KDM1B: variants seen among roughly 807,000 people sequenced by gnomAD.
KDM1B encodes lysine demethylase 1B.
KDM1B carries 63 observed loss-of-function variants against 107.4 expected under a neutral mutation model. The observed-to-expected ratio is 0.59, with a 90% CI of 0.48 to 0.72. The LOEUF is 0.72. KDM1B is among the 30% of genes least tolerant of loss of function. The pLI, the probability that KDM1B is intolerant of heterozygous loss-of-function variation, is 0.00. For synonymous variants in KDM1B, 363 were observed against 363.9 expected (o/e 1.00, Z 0.03); for missense variants, 749 against 1,020.8 (o/e 0.73, Z 3.63).
At chr6:18,188,678 ATC>A (rs1475592471) in intron 9 of KDM1B, among the ~76,000 whole-genome samples, 2 of 152,048 alleles carry the variant, frequency 1.3e-5, no homozygotes, top group African/African-American at 4.8e-5. Context: ...CAGTGACACT[ATC>A]TCAGCTCACT....
At chr6:18,170,147 G>T (rs899719163) in intron 6 of KDM1B, among the ~76,000 whole-genome samples, 8 of 150,286 alleles carry the variant, frequency 5.3e-5, no homozygotes, top group African/African-American at 2.0e-4. Context: ...CTGACCTCAG[G>T]TGATTCACCT....
rs562772497 is a variant in KDM1B at position 18,204,782 on chromosome 6, A to G, written c.1532-755A>G. 2.0e-5 allele frequency among the ~76,000 whole-genome samples: 3 copies of G among 152,350 alleles called. No homozygotes were observed. The highest frequency in any genetic ancestry group is 4.8e-5 in the African/African-American group (2 of 41,586). On this transcript the variant is annotated intron_variant, in intron 14 of 21. Coordinates refer to ENST00000650836, the MANE Select transcript of KDM1B (RefSeq NM_001364614.2). The surrounding 1 kb of genome is among the most constrained non-coding windows in gnomAD (Gnocchi z 4.9). ...TGCCACGGCCCGGTGATGCCCGACT[A>G]TAAAGAATGGATGGGATTGGGTGGG...
At position 18,204,609 on chromosome 6, in the gene KDM1B, C is replaced by T. The variant is rs1440658630; in HGVS notation, c.1532-928C>T. On this transcript the variant is annotated intron_variant, in intron 14 of 21. Transcript: ENST00000650836. The surrounding 1 kb of genome is among the most constrained non-coding windows in gnomAD (Gnocchi z 4.9). ...GAGATGCTTAGAATTAGTCAGACAT[C>T]AAGCCAGAACCCTCTTCCAGCCCTG... Among the ~76,000 whole-genome samples, 2 of 152,206 alleles carry T rather than the reference C, an allele frequency of 1.3e-5. No homozygotes were observed. Among genetic ancestry groups the T allele is most frequent in the Non-Finnish European group, 2.9e-5 (2 of 68,036 alleles).
chr6:18,194,838 A>G (rs568000375), intron 10 of KDM1B, among the ~76,000 whole-genome samples: 1 of 152,228 alleles, frequency 6.6e-6, no homozygotes, highest in Admixed American at 6.5e-5. Context: ...TTTACAGCTC[A>G]GTGGCATTAA....
chr6:18,221,360 CTTA>C (rs1365996875), intron 21 of KDM1B, among the ~76,000 whole-genome samples: 1 of 152,206 alleles, frequency 6.6e-6, no homozygotes, highest in African/African-American at 2.4e-5. Context: ...TCCTGGTTTG[CTTA>C]TTGTTCCCAC....
rs754623234 is a variant in KDM1B, at chr6:18,223,191, A to C, written c.*1199A>C. ...AACAATAATATACTGGTTTGCTTTA[A>C]AGAAGGGACTAAATATGACTTTAAA... On this transcript the variant is annotated 3_prime_UTR_variant, in exon 22 of 22. Transcript: ENST00000650836. 1 of 152,566 alleles carries C rather than the reference A, an allele frequency of 6.6e-6. No homozygotes were observed. The highest frequency in any genetic ancestry group is 6.6e-5 in the Admixed American group (1 of 15,260). 9.5% of individuals were successfully genotyped at this position (152,566 alleles called of 1,614,324 possible). A position where few individuals can be genotyped will look rare whatever the true frequency, so the allele number is the denominator to read the frequency against.
intron 2 of KDM1B, among the ~76,000 whole-genome samples, chr6:18,158,619 A>G (rs1784782790): frequency 6.6e-6 from 1 of 151,962 alleles, no homozygotes; most frequent in African/African-American, 2.4e-5. Flanking sequence ...TTCATTTATC[A>G]TTTTCTGTGT....
At chr6:18,192,547 C>T (rs979851973) in intron 10 of KDM1B, among the ~76,000 whole-genome samples, 4 of 152,138 alleles carry the variant, frequency 2.6e-5, no homozygotes, top group East Asian at 1.9e-4. Flanking sequence ...ACTTATTTTC[C>T]GCCCAGTAGC....
At chr6:18,157,479 C>T (rs2150742578) in intron 2 of KDM1B, among the ~76,000 whole-genome samples, 1 of 152,286 alleles carries the variant, frequency 6.6e-6, no homozygotes, top group East Asian at 1.9e-4. Flanking sequence ...TTTGAGAATG[C>T]ATACCTTCCC....
At chr6:18,206,701 A>T (rs2150996889) in intron 15 of KDM1B, among the ~76,000 whole-genome samples, 1 of 152,204 alleles carries the variant, frequency 6.6e-6, no homozygotes, top group Admixed American at 6.5e-5. Context: ...CTGGAATTAC[A>T]GGCATGAGCC....
In KDM1B at chr6:18,159,009, C is replaced by T. The variant is rs1348866180; in HGVS notation, c.-13-874C>T. ...TTGAGATGGAGTCTTGCTCTGTTGCCCAGGCTGGAGTGCAGTAGCACAATC... is the reference window on the plus strand; with the variant it reads ...TTGAGATGGAGTCTTGCTCTGTTGCTCAGGCTGGAGTGCAGTAGCACAATC... On this transcript the variant is annotated intron_variant, in intron 2 of 21. Transcript: ENST00000650836. This position sits in a 1 kb window ranked among gnomAD's most constrained non-coding sequence, Gnocchi z 4.5. Among the ~76,000 whole-genome samples the T allele has an allele frequency of 6.6e-6, 1 of 152,106 alleles. No individual in the cohort carries two copies. The highest frequency in any genetic ancestry group is 1.5e-5 in the Non-Finnish European group (1 of 68,028).
rs1169661875 is a variant in KDM1B, at chr6:18,211,830, T to C, written c.1867-658T>C. On this transcript the variant is annotated intron_variant, in intron 17 of 21. Transcript: ENST00000650836. The surrounding 1 kb of genome is among the most constrained non-coding windows in gnomAD (Gnocchi z 5.2). ...ATACTACCTTCATTTTATAGATGTATGGCAGAGATGAGTGGCAGGCTTGGC... is the reference window on the plus strand; with the variant it reads ...ATACTACCTTCATTTTATAGATGTACGGCAGAGATGAGTGGCAGGCTTGGC... 6.6e-6 allele frequency: 1 copy of C among 152,308 alleles called. No homozygotes were observed. The highest frequency in any genetic ancestry group is 2.4e-5 in the African/African-American group (1 of 41,456). 9.4% of individuals were successfully genotyped at this position (152,308 alleles called of 1,614,324 possible).
chr6:18,181,441 C>T (rs1310122601), intron 7 of KDM1B, among the ~76,000 whole-genome samples: 1 of 152,102 alleles, frequency 6.6e-6, no homozygotes, highest in Non-Finnish European at 1.5e-5. Context: ...TCTAAAAACT[C>T]TCTAAAAGGT....
rs1407736472 is a variant in KDM1B, at chr6:18,159,912, G to T, written c.17G>T (p.Gly6Val). 1.2e-6 allele frequency: 2 copies of T among 1,608,910 alleles called. No individual in the cohort carries two copies. The highest frequency in any genetic ancestry group is 2.2e-5 in the East Asian group (1 of 44,802). Residue 6 changes from glycine to valine, a missense_variant, in exon 3 of 22, where the codon GGG becomes GTG. Transcript: ENST00000650836. The surrounding 1 kb of genome is among the most constrained non-coding windows in gnomAD (Gnocchi z 4.5). ...TTTAATGTAATGGCAACTCCACGGG[G>T]GAGGACAAAGAAAAAAGCATCTTTT... MATPR[G>V]RTKKKASFDH... is the part of the protein sequence containing the mutation.
chr6:18,172,181 G>A lies in KDM1B; in HGVS notation c.534+702G>A, dbSNP rs557144489. ...GCTTGGCAATTAGGAATCGGCCATC[G>A]TTGTTATAATGTGCCTTTTTTGAAA... is the stretch of plus-strand genomic sequence containing the variant. On this transcript the variant is annotated intron_variant, in intron 7 of 21. Coordinates refer to ENST00000650836, the MANE Select transcript of KDM1B (RefSeq NM_001364614.2). The surrounding 1 kb of genome is among the most constrained non-coding windows in gnomAD (Gnocchi z 5.2). Among the ~76,000 whole-genome samples the A allele has an allele frequency of 4.6e-5, 7 of 152,260 alleles. No homozygotes were observed. In the East Asian group the frequency reaches 5.8e-4, roughly 13 times the overall value.
intron 7 of KDM1B, among the ~76,000 whole-genome samples, chr6:18,180,064 G>A (rs1786354222): frequency 6.7e-6 from 1 of 150,316 alleles, no homozygotes; most frequent in Non-Finnish European, 1.5e-5. Context: ...AATAGAGACG[G>A]GGTTTTGCTG....
chr6:18,157,772 G>A (rs1364367498), intron 2 of KDM1B, among the ~76,000 whole-genome samples: 1 of 148,564 alleles, frequency 6.7e-6, no homozygotes. Context: ...AGTCCAAAAA[G>A]CCTTCTTTGG....
In KDM1B at chr6:18,172,599, C is replaced by T. The variant is rs747955832; in HGVS notation, c.534+1120C>T. Among the ~76,000 whole-genome samples the T allele has an allele frequency of 6.6e-6, 1 of 152,244 alleles. No homozygotes were observed. The highest frequency in any genetic ancestry group is 1.9e-4 in the East Asian group (1 of 5,176). On this transcript the variant is annotated intron_variant, in intron 7 of 21. Transcript: ENST00000650836. The surrounding 1 kb of genome is among the most constrained non-coding windows in gnomAD (Gnocchi z 5.2). ...TGCAAACATTCCAAAATCCAAAACA[C>T]TTCTGGTCCCAAGCATTTCAAATAA... is the stretch of plus-strand genomic sequence containing the variant.
intron 7 of KDM1B, among the ~76,000 whole-genome samples, chr6:18,178,249 A>AT (rs67711903): frequency 1.3e-5 from 2 of 151,078 alleles, no homozygotes; most frequent in African/African-American, 4.9e-5. Context: ...CGCCCAGCTA[A>AT]TTTTTTTTAC....
Sources: gnomAD v4.1 joint callset for allele counts (sites outside exome capture counted in the v4.1 genomes callset) on GRCh38, gnomAD v4.1.1 for gene constraint, Gnocchi (gnomAD v3.1) non-coding constraint, MANE v1.5 for transcripts, NCBI Gene and HGNC (gene_info 2026-07-23, HGNC 2026-07-21) for gene names.